Variants in GABRB2 observed in about 807,000 individuals in gnomAD.
The protein encoded by GABRB2 is gamma-aminobutyric acid type A receptor subunit beta2.
Under a neutral mutation model 54.7 loss-of-function variants are expected in GABRB2, and 16 were observed. The observed-to-expected ratio is 0.29, with a 90% confidence interval of 0.20 to 0.44. The LOEUF is 0.44. GABRB2 is among the 20% of genes least tolerant of loss of function. The probability of loss-of-function intolerance (pLI) is 1.00; values close to 1 mark genes in which losing one functional copy is unlikely to be tolerated. For missense variants in GABRB2, 355 were observed against 644.0 expected (o/e 0.55, Z 4.86); for synonymous variants, 244 against 233.8 (o/e 1.04, Z -0.40).
At chr5:161,488,117 T>G (rs1219323024) in intron 3 of GABRB2, among the ~76,000 whole-genome samples, 1 of 151,836 alleles carries the variant, frequency 6.6e-6, no homozygotes, top group Non-Finnish European at 1.5e-5. Flanking sequence ...TGTCTTTTAG[T>G]AGGATTACTG....
chr5:161,433,380 G>A (rs1168517216), intron 4 of GABRB2, among the ~76,000 whole-genome samples: 1 of 151,070 alleles, frequency 6.6e-6, no homozygotes, highest in African/African-American at 2.4e-5. Flanking sequence ...TGGGCGGCCT[G>A]CTTGAGCCCA....
Position 161,293,401 on chromosome 5 carries a change from G to T in GABRB2, c.*680C>A, listed in dbSNP as rs1170731472. 6.6e-6 allele frequency: 1 copy of T among 151,688 alleles called. No homozygotes were observed. Among genetic ancestry groups the T allele is most frequent in the African/African-American group, 2.4e-5 (1 of 41,292 alleles). The allele number at this position is 151,688 out of a possible 1,614,324, so 9.4% of individuals were successfully genotyped here. A position where few individuals can be genotyped will look rare whatever the true frequency, so the allele number is the denominator to read the frequency against. On this transcript the variant is annotated 3_prime_UTR_variant, in exon 10 of 10. Transcript: ENST00000393959. ...ATAGCCGTTTAGCAAAAATTTTCTT[G>T]GCCACCATGCATGATATTGTCCAGA...
At chr5:161,343,887 T>C (rs1754243053) in intron 5 of GABRB2, among the ~76,000 whole-genome samples, 1 of 152,050 alleles carries the variant, frequency 6.6e-6, no homozygotes, top group Non-Finnish European at 1.5e-5. Context: ...GCATACAGAG[T>C]AGGCCAATGC....
intron 5 of GABRB2, among the ~76,000 whole-genome samples, chr5:161,389,206 T>C (rs1203578211): frequency 1.3e-5 from 2 of 152,044 alleles, no homozygotes; most frequent in Non-Finnish European, 2.9e-5. Flanking sequence ...TGCATCCAAG[T>C]TGAGGCTTAA....
At chr5:161,445,883 A>C (rs1757602314) in intron 4 of GABRB2, among the ~76,000 whole-genome samples, 1 of 152,174 alleles carries the variant, frequency 6.6e-6, no homozygotes, top group Non-Finnish European at 1.5e-5. Flanking sequence ...ACATGTTCTC[A>C]GAATTTCCTA....
chr5:161,531,175 T>C (rs948260956), intron 3 of GABRB2, among the ~76,000 whole-genome samples: 1 of 152,144 alleles, frequency 6.6e-6, no homozygotes, highest in African/African-American at 2.4e-5. Context: ...AACCTAAAAA[T>C]TGGCACCTGC....
intron 3 of GABRB2, among the ~76,000 whole-genome samples, chr5:161,460,607 T>C (rs1435455577): frequency 6.6e-6 from 1 of 152,134 alleles, no homozygotes; most frequent in Non-Finnish European, 1.5e-5. Flanking sequence ...ACTAAAAAAA[T>C]TAACTAGCAC....
At chr5:161,464,826 A>G (rs554066573) in intron 3 of GABRB2, among the ~76,000 whole-genome samples, 1 of 152,220 alleles carries the variant, frequency 6.6e-6, no homozygotes, top group South Asian at 2.1e-4. Flanking sequence ...TTCCATTTGT[A>G]TGACATGAAA....
chr5:161,337,787 C>T (rs938088114), intron 5 of GABRB2, among the ~76,000 whole-genome samples: 1 of 151,842 alleles, frequency 6.6e-6, no homozygotes, highest in South Asian at 2.1e-4. Context: ...TTCACCCACC[C>T]TCCAAAAAAA....
In GABRB2 at chr5:161,289,254, AG is replaced by A. The variant is rs1757171414; in HGVS notation, c.*4826del. On this transcript the variant is annotated 3_prime_UTR_variant, in exon 10 of 10. Transcript: ENST00000393959. Reference sequence around the variant, plus strand: ...CTGCTTTTTTTTTTTTTTTTTGTACAGATTTCTTTAGGGCAGTATCTTCATT... The same window carrying A: ...CTGCTTTTTTTTTTTTTTTTTGTACAATTTCTTTAGGGCAGTATCTTCATT... 2.2e-5 allele frequency: 1 copy of A among 46,344 alleles called. No individual in the cohort carries two copies. The highest frequency in any genetic ancestry group is 2.5e-4 in the Admixed American group (1 of 4,040). 2.9% of individuals were successfully genotyped at this position (46,344 alleles called of 1,614,324 possible). A position where few individuals can be genotyped will look rare whatever the true frequency, so the allele number is the denominator to read the frequency against.
At chr5:161,463,554 TTTATATATATATA>T (rs1561659472) in intron 3 of GABRB2, among the ~76,000 whole-genome samples, 3 of 22,066 alleles carry the variant, frequency 1.4e-4, no homozygotes, top group African/African-American at 4.4e-4. Flanking sequence ...AATATTTTTA[TTTATATATATATA>T]TATATATATA....
In GABRB2 at chr5:161,394,217, A is replaced by G. The variant is rs537936477; in HGVS notation, c.541+16758T>C. On this transcript the variant is annotated intron_variant, in intron 5 of 9. Transcript: ENST00000393959. ...TGGGAAAGTGAATAAAGCAGAGTATATAAGAGGGAAACGTGTTGCTTTAAG... is the reference window on the plus strand; with the variant it reads ...TGGGAAAGTGAATAAAGCAGAGTATGTAAGAGGGAAACGTGTTGCTTTAAG... 7.2e-5 allele frequency among the ~76,000 whole-genome samples: 11 copies of G among 152,206 alleles called. No individual in the cohort carries two copies. In the South Asian group the frequency reaches 1.2e-3, roughly 17 times the overall value.
At chr5:161,451,331 T>C (rs1177672351) in intron 4 of GABRB2, among the ~76,000 whole-genome samples, 1 of 152,156 alleles carries the variant, frequency 6.6e-6, no homozygotes, top group East Asian at 1.9e-4. Context: ...TATACACATG[T>C]GAAGTCAAGG....
At chr5:161,448,326 G>C (rs1351450511) in intron 4 of GABRB2, among the ~76,000 whole-genome samples, 1 of 152,098 alleles carries the variant, frequency 6.6e-6, no homozygotes, top group African/African-American at 2.4e-5. Context: ...GGGAGGCTGA[G>C]GTAGGAGGTT....
chr5:161,505,109 CTTTTTT>C (rs34388314), intron 3 of GABRB2, among the ~76,000 whole-genome samples: 2 of 135,558 alleles, frequency 1.5e-5, no homozygotes, highest in Non-Finnish European at 1.6e-5. Context: ...TTTTCCTTTT[CTTTTTT>C]TTTTTTTTTG....
intron 3 of GABRB2, among the ~76,000 whole-genome samples, chr5:161,468,829 T>C (rs1367233412): frequency 1.3e-5 from 2 of 151,920 alleles, no homozygotes; most frequent in Non-Finnish European, 2.9e-5. Flanking sequence ...CTTACTGTTA[T>C]ATTAGCAATA....
Position 161,291,399 on chromosome 5 carries a change from C to G in GABRB2, c.*2682G>C, listed in dbSNP as rs1217648679. On this transcript the variant is annotated 3_prime_UTR_variant, in exon 10 of 10. Coordinates refer to ENST00000393959, the MANE Select transcript of GABRB2 (RefSeq NM_001371727.1). ...CCTAGACTTATCAGGTCTAGCACCC[C>G]TCCTCGCATTTGATGACTGCATTTC... 2.6e-5 allele frequency: 4 copies of G among 152,100 alleles called. No individual in the cohort carries two copies. The highest frequency in any genetic ancestry group is 5.9e-5 in the Non-Finnish European group (4 of 68,002). 9.4% of individuals were successfully genotyped at this position (152,100 alleles called of 1,614,324 possible). A position where few individuals can be genotyped will look rare whatever the true frequency, so the allele number is the denominator to read the frequency against.
At chr5:161,405,165 C>A (rs1047278852) in intron 5 of GABRB2, among the ~76,000 whole-genome samples, 2 of 152,050 alleles carry the variant, frequency 1.3e-5, no homozygotes, top group African/African-American at 2.4e-5. Flanking sequence ...CACTGCCATC[C>A]TTCCTAGCCT....
At chr5:161,355,967 A>G (rs1754614800) in intron 5 of GABRB2, among the ~76,000 whole-genome samples, 1 of 152,156 alleles carries the variant, frequency 6.6e-6, no homozygotes. Context: ...TACCAACTTT[A>G]GTTCTCATTC....
Sources: gnomAD v4.1 joint callset for allele counts (sites outside exome capture counted in the v4.1 genomes callset) on GRCh38, gnomAD v4.1.1 for gene constraint, MANE v1.5 for transcripts, NCBI Gene and HGNC (gene_info 2026-07-23, HGNC 2026-07-21) for gene names.